Variants in PTCHD1 observed in about 807,000 individuals in gnomAD.
PTCHD1 encodes the protein patched domain containing 1.
Under a neutral mutation model 34.6 loss-of-function variants are expected in PTCHD1, and 3 were observed. That is an observed-to-expected ratio of 0.09 (90% CI 0.04 to 0.22). The LOEUF (loss-of-function observed/expected upper bound fraction) is 0.22, where lower values mean the gene tolerates loss of function less well. PTCHD1 is among the 10% of genes least tolerant of loss of function. PTCHD1 has a pLI of 1.00. For missense variants in PTCHD1, 504 were observed against 685.5 expected, an observed-to-expected ratio of 0.74 and a Z score of 2.96; for synonymous variants, 305 against 283.1, an observed-to-expected ratio of 1.08 and a Z score of -0.77.
intron 1 of PTCHD1, among the ~76,000 whole-genome samples, chrX:23,376,850 G>A (rs1190949800): frequency 3.6e-5 from 4 of 112,439 alleles, no homozygotes; most frequent in South Asian, 7.5e-4. Context: ...CCACCACTCT[G>A]TCGGAAAGTC....
At position 23,394,230 on chromosome X, in the gene PTCHD1, A is replaced by T; in HGVS notation, c.*45A>T. On this transcript the variant is annotated 3_prime_UTR_variant, in exon 3 of 3. Transcript: ENST00000379361. ...TTTCACCTTAGGTCTTATCAAGACC[A>T]AAGAGATTATGTTAATGAAACAATT... 5 of 930,205 alleles carry T rather than the reference A, an allele frequency of 5.4e-6. No homozygotes were observed. Among genetic ancestry groups the T allele is most frequent in the Non-Finnish European group, 7.7e-6 (5 of 645,439 alleles). The allele number at this position is 930,205 out of a possible 1,213,427, so 76.7% of individuals were successfully genotyped here.
At chrX:23,351,167 T>C (rs1921622969) in intron 1 of PTCHD1, 2 of 655,978 alleles carry the variant, frequency 3.0e-6, no homozygotes. Flanking sequence ...ATGAATACTG[T>C]CCAAACTCCA....
intron 1 of PTCHD1, among the ~76,000 whole-genome samples, chrX:23,340,033 A>G (rs924544492): frequency 1.8e-5 from 2 of 111,890 alleles, no homozygotes; most frequent in African/African-American, 6.5e-5. Context: ...AACTTGGGGA[A>G]GAGGCATGTG....
rs754866103 is a variant in PTCHD1 at position 23,399,096 on chromosome X, T to C, written c.*4911T>C. 1 of 111,719 alleles carries C rather than the reference T, an allele frequency of 9.0e-6. No individual in the cohort carries two copies. The highest frequency in any genetic ancestry group is 3.8e-4 in the South Asian group (1 of 2,661). The allele number at this position is 111,719 out of a possible 1,213,427, so 9.2% of individuals were successfully genotyped here. ...AAGCTTGGTGGAAGAAGTGATGTTC[T>C]TGTGGAATGTGCCAGCAGCTTCTCC... is the stretch of plus-strand genomic sequence containing the variant. On this transcript the variant is annotated 3_prime_UTR_variant, in exon 3 of 3. Transcript: ENST00000379361.
At chrX:23,374,423 CAAAG>C (rs751383615) in intron 1 of PTCHD1, among the ~76,000 whole-genome samples, 20 of 110,018 alleles carry the variant, frequency 1.8e-4, no homozygotes, top group Non-Finnish European at 3.2e-4. Context: ...CTGTCCTCTG[CAAAG>C]TGTCCCTGCT....
At chrX:23,375,360 G>A (rs1312421966) in intron 1 of PTCHD1, among the ~76,000 whole-genome samples, 1 of 101,385 alleles carries the variant, frequency 9.9e-6, no homozygotes, top group Non-Finnish European at 1.9e-5. Context: ...CGCGATCTCC[G>A]CTCACTGCAA....
intron 1 of PTCHD1, among the ~76,000 whole-genome samples, chrX:23,335,515 T>A (rs1364800105): frequency 8.8e-6 from 1 of 112,996 alleles, no homozygotes; most frequent in Non-Finnish European, 1.9e-5. Context: ...GTGCGCTTGT[T>A]TTGGTCGCAG....
At chrX:23,335,693 CG>C (rs1478219128) in intron 1 of PTCHD1, among the ~76,000 whole-genome samples, 1 of 111,472 alleles carries the variant, frequency 9.0e-6, no homozygotes, top group African/African-American at 3.3e-5. Flanking sequence ...TCTGGCCCCC[CG>C]GAGTGTTTGG....
At chrX:23,391,613 C>T (rs780218466) in intron 2 of PTCHD1, among the ~76,000 whole-genome samples, 1 of 111,246 alleles carries the variant, frequency 9.0e-6, no homozygotes, top group Non-Finnish European at 1.9e-5. Context: ...AAATACACTG[C>T]CTCTTTATCA....
At chrX:23,358,006 C>G (rs773914870) in intron 1 of PTCHD1, among the ~76,000 whole-genome samples, 2 of 111,747 alleles carry the variant, frequency 1.8e-5, no homozygotes, top group African/African-American at 3.3e-5. Flanking sequence ...TTTTGTGGCT[C>G]CATAGTATTC....
rs1057223999 is a variant in PTCHD1, at chrX:23,389,744, C to G, written c.1013-2787C>G. 2.3e-4 allele frequency among the ~76,000 whole-genome samples: 26 copies of G among 111,740 alleles called. 1 individual carries two copies. Among genetic ancestry groups the G allele is most frequent in the African/African-American group, 8.1e-4 (25 of 30,773 alleles). ...AGAAGGAAGAACTAAGGAAAGGCAT[C>G]GTTTCCAAAAGCCCCTCAGAAGAAA... On this transcript the variant is annotated intron_variant, in intron 2 of 2. Coordinates refer to ENST00000379361, the MANE Select transcript of PTCHD1 (RefSeq NM_173495.3).
chrX:23,381,227 C>A (rs1922556754), intron 2 of PTCHD1, among the ~76,000 whole-genome samples: 1 of 112,173 alleles, frequency 8.9e-6, no homozygotes, highest in African/African-American at 3.2e-5. Flanking sequence ...GCTGCTGGAA[C>A]TCCCTGATAG....
At chrX:23,372,987 T>C (rs1001455897) in intron 1 of PTCHD1, among the ~76,000 whole-genome samples, 5 of 112,525 alleles carry the variant, frequency 4.4e-5, no homozygotes, top group African/African-American at 1.6e-4. Context: ...AAGTGAAATT[T>C]TCTCCCAGAC....
intron 1 of PTCHD1, among the ~76,000 whole-genome samples, chrX:23,360,075 A>T (rs188013251): frequency 3.3e-4 from 37 of 112,162 alleles, no homozygotes; most frequent in African/African-American, 1.2e-3. Flanking sequence ...GGATTTTTGC[A>T]TCGATGTTCA....
At chrX:23,363,068 C>G (rs969520359) in intron 1 of PTCHD1, among the ~76,000 whole-genome samples, 1 of 112,151 alleles carries the variant, frequency 8.9e-6, no homozygotes, top group African/African-American at 3.2e-5. Flanking sequence ...AGTCAGCCCC[C>G]ACTAGGTGGT....
Position 23,379,677 on chromosome X carries a change from G to C in PTCHD1, c.438G>C (p.Lys146Asn). The C allele has an allele frequency of 1.2e-5, 15 of 1,210,756 alleles. No individual in the cohort carries two copies. The highest frequency in any genetic ancestry group is 1.7e-5 in the Non-Finnish European group (15 of 894,874). The change falls in exon 2 of 3, where the codon AAG becomes AAC. Residue 146 changes from lysine to asparagine, a missense_variant. Physicochemically the swap from Lys to Asn is moderately conservative, Grantham distance 94. Coordinates refer to ENST00000379361, the MANE Select transcript of PTCHD1 (RefSeq NM_173495.3). ...ATATATGTATCCTGAATAATGATAA[G>C]ACTTGCATCGTGGATGACATAGTGC... ...FAHICILNNDKTCIVDDIVHV... is the reference protein window; with the variant it reads ...FAHICILNNDNTCIVDDIVHV...
intron 1 of PTCHD1, among the ~76,000 whole-genome samples, chrX:23,357,700 T>C (rs1921845652): frequency 9.0e-6 from 1 of 111,420 alleles, no homozygotes; most frequent in Non-Finnish European, 1.9e-5. Flanking sequence ...AGGGTACATA[T>C]GCACAACGTG....
intron 2 of PTCHD1, among the ~76,000 whole-genome samples, chrX:23,384,378 C>T (rs1337213533): frequency 8.9e-6 from 1 of 111,855 alleles, no homozygotes; most frequent in African/African-American, 3.2e-5. Context: ...TTGAATTATC[C>T]AACCAGGCCA....
At chrX:23,363,161 G>T (rs974221019) in intron 1 of PTCHD1, among the ~76,000 whole-genome samples, 3 of 112,367 alleles carry the variant, frequency 2.7e-5, no homozygotes, top group Admixed American at 1.9e-4. Flanking sequence ...CACTGTGCTG[G>T]GAGAACCACT....
Sources: gnomAD v4.1 joint callset for allele counts (sites outside exome capture counted in the v4.1 genomes callset) on GRCh38, gnomAD v4.1.1 for gene constraint, MANE v1.5 for transcripts, NCBI Gene and HGNC (gene_info 2026-07-23, HGNC 2026-07-21) for gene names.